GRID2: variants seen among roughly 807,000 people sequenced by gnomAD.
The protein encoded by GRID2 is glutamate ionotropic receptor delta type subunit 2, also known as glutamate receptor ionotropic, delta-2.
In GRID2, 33 loss-of-function variants were observed where a neutral mutation model predicts 114.8. The ratio of observed to expected loss-of-function variants is 0.29; its 90% CI spans 0.22 to 0.38. GRID2 has a LOEUF of 0.38. Among genes scored for constraint, GRID2 ranks in the 10% least tolerant of loss-of-function variants. GRID2 has a pLI of 1.00. For synonymous variants in GRID2, 505 were observed against 449.9 expected (o/e 1.12, Z -1.55); for missense variants, 1,184 against 1,257.7 (o/e 0.94, Z 0.89).
chr4:92,320,688 G>A (rs765965586), intron 1 of GRID2, among the ~76,000 whole-genome samples: 1 of 152,096 alleles, frequency 6.6e-6, no homozygotes, highest in Non-Finnish European at 1.5e-5. Context: ...ATGTTGGCCA[G>A]GCTGGTTTTG....
At chr4:93,559,600 G>A (rs1013246720) in intron 13 of GRID2, among the ~76,000 whole-genome samples, 16 of 152,178 alleles carry the variant, frequency 1.1e-4, no homozygotes, top group African/African-American at 3.4e-4. Flanking sequence ...AGAGGATGTG[G>A]AAAAATAGGA....
At chr4:93,757,727 G>A (rs564952110) in intron 14 of GRID2, among the ~76,000 whole-genome samples, 3 of 152,280 alleles carry the variant, frequency 2.0e-5, no homozygotes, top group South Asian at 2.1e-4. Flanking sequence ...AGGCAGAGGC[G>A]GGTGAATCAT....
At position 93,626,453 on chromosome 4, in the gene GRID2, C is replaced by T; in HGVS notation, c.2360+18C>T. 8 of 1,527,956 alleles carry T rather than the reference C, an allele frequency of 5.2e-6. No individual in the cohort carries two copies. Among genetic ancestry groups the T allele is most frequent in the Non-Finnish European group, 7.2e-6 (8 of 1,112,998 alleles). The allele number at this position is 1,527,956 out of a possible 1,614,324, so 94.6% of individuals were successfully genotyped here. ...TCACAAAGGTAAGATTTGTGTATGA[C>T]CAAATAAGGGGAGAGATGAAATTTA... On this transcript the variant is annotated intron_variant, in intron 14 of 15. Transcript: ENST00000282020.
At chr4:92,708,730 C>T (rs1319453375) in intron 2 of GRID2, among the ~76,000 whole-genome samples, 1 of 152,068 alleles carries the variant, frequency 6.6e-6, no homozygotes, top group African/African-American at 2.4e-5. Context: ...TTAAGAGGAC[C>T]AGCCAGACTA....
intron 2 of GRID2, among the ~76,000 whole-genome samples, chr4:92,934,392 T>G (rs1293649856): frequency 6.6e-6 from 1 of 150,970 alleles, no homozygotes; most frequent in Non-Finnish European, 1.5e-5. Context: ...ATCCTGAGAC[T>G]TTGCTGAAGC....
At chr4:93,532,930 A>C (rs896995777) in intron 13 of GRID2, among the ~76,000 whole-genome samples, 3 of 152,254 alleles carry the variant, frequency 2.0e-5, no homozygotes, top group African/African-American at 7.2e-5. Context: ...TGAATCAGGA[A>C]TCTTATCCAG....
chr4:92,831,898 AC>A (rs1560622685), intron 2 of GRID2, among the ~76,000 whole-genome samples: 1 of 151,764 alleles, frequency 6.6e-6, no homozygotes, highest in African/African-American at 2.4e-5. Context: ...ATATAAATAA[AC>A]CCCCCAAAAT....
At chr4:92,513,461 G>C (rs1724352059) in intron 1 of GRID2, among the ~76,000 whole-genome samples, 1 of 151,816 alleles carries the variant, frequency 6.6e-6, no homozygotes, top group African/African-American at 2.4e-5. Flanking sequence ...TTTGCACACA[G>C]GGCCACCTTT....
chr4:93,005,608 A>G (rs564294096), intron 2 of GRID2, among the ~76,000 whole-genome samples: 1 of 152,218 alleles, frequency 6.6e-6, no homozygotes, highest in Admixed American at 6.6e-5. Context: ...ATGAATGTTC[A>G]TAGTAGCACT....
intron 2 of GRID2, among the ~76,000 whole-genome samples, chr4:92,770,274 C>G (rs1209119276): frequency 6.6e-6 from 1 of 152,144 alleles, no homozygotes; most frequent in Non-Finnish European, 1.5e-5. Context: ...CTGAGACTAC[C>G]TCAGCCTGGA....
chr4:93,506,179 A>G (rs1439475301), intron 12 of GRID2, among the ~76,000 whole-genome samples: 1 of 152,164 alleles, frequency 6.6e-6, no homozygotes, highest in Non-Finnish European at 1.5e-5. Context: ...TACTTTACAT[A>G]AACTTACAAT....
intron 2 of GRID2, chr4:92,822,337 C>T (rs1741347050): frequency 3.2e-6 from 2 of 627,900 alleles, no homozygotes; most frequent in Admixed American, 1.9e-5. Context: ...GAGAGACAGT[C>T]ACAGTGTTCA....
At position 92,953,297 on chromosome 4, in the gene GRID2, G is replaced by C. The variant is rs893208555; in HGVS notation, c.245-131698G>C. The stretch of plus-strand genomic sequence containing the variant: ...TTAGTGATCTTATAAAAATGATGTC[G>C]AAAAGTAAGCTCTGTGTTCTAGAGT... On this transcript the variant is annotated intron_variant, in intron 2 of 15. Transcript: ENST00000282020. Among the ~76,000 whole-genome samples, 15 of 152,058 alleles carry C rather than the reference G, an allele frequency of 9.9e-5. 1 individual carries two copies. The highest frequency in any genetic ancestry group is 3.6e-4 in the African/African-American group (15 of 41,430).
At chr4:93,421,846 C>CAAA (rs11292676) in intron 9 of GRID2, among the ~76,000 whole-genome samples, 1 of 113,298 alleles carries the variant, frequency 8.8e-6, no homozygotes, top group Non-Finnish European at 2.1e-5. Flanking sequence ...AAAAATCATT[C>CAAA]AAAAAAAAAA....
chr4:92,864,850 G>C (rs1229528544), intron 2 of GRID2, among the ~76,000 whole-genome samples: 3 of 152,144 alleles, frequency 2.0e-5, no homozygotes, highest in Non-Finnish European at 2.9e-5. Flanking sequence ...AAATTCAGCA[G>C]TTTATGGAAA....
rs1308472411 is a variant in GRID2 at position 92,378,857 on chromosome 4, C to G, written c.88+74113C>G. Among the ~76,000 whole-genome samples, 3 of 152,078 alleles carry G rather than the reference C, an allele frequency of 2.0e-5. 1 individual carries two copies. Among genetic ancestry groups the G allele is most frequent in the Admixed American group, 2.0e-4 (3 of 15,240 alleles). ...TATGATTTTGCTCATGTTTACTAATCTCAATTATAAAATATATTTTTATGT... is the reference window on the plus strand; with the variant it reads ...TATGATTTTGCTCATGTTTACTAATGTCAATTATAAAATATATTTTTATGT... On this transcript the variant is annotated intron_variant, in intron 1 of 15. Coordinates refer to ENST00000282020, the MANE Select transcript of GRID2 (RefSeq NM_001510.4).
chr4:92,652,488 G>A (rs1731991144), intron 2 of GRID2, among the ~76,000 whole-genome samples: 1 of 151,478 alleles, frequency 6.6e-6, no homozygotes, highest in Admixed American at 6.6e-5. Flanking sequence ...GGCTTGCCTG[G>A]GCACCATTTT....
At chr4:93,298,511 C>A (rs1754545129) in intron 8 of GRID2, among the ~76,000 whole-genome samples, 1 of 152,184 alleles carries the variant, frequency 6.6e-6, no homozygotes, top group African/African-American at 2.4e-5. Context: ...CTCCCAAAGA[C>A]CCTTTTAGCA....
intron 14 of GRID2, among the ~76,000 whole-genome samples, chr4:93,720,012 A>G (rs897599366): frequency 1.8e-4 from 27 of 152,140 alleles, no homozygotes; most frequent in African/African-American, 6.5e-4. Context: ...TTTTTGATGA[A>G]GTCTGTTTCA....
Sources: gnomAD v4.1 joint callset for allele counts (sites outside exome capture counted in the v4.1 genomes callset) on GRCh38, gnomAD v4.1.1 for gene constraint, MANE v1.5 for transcripts, NCBI Gene and HGNC (gene_info 2026-07-23, HGNC 2026-07-21) for gene names.